KDM4B: variants seen among roughly 807,000 people sequenced by gnomAD.
KDM4B encodes lysine demethylase 4B.
A neutral mutation model predicts 125.2 loss-of-function variants in KDM4B; 32 were observed. That is an observed-to-expected ratio of 0.26 (90% CI 0.19 to 0.34). The LOEUF (loss-of-function observed/expected upper bound fraction) is 0.34, where lower values mean the gene tolerates loss of function less well. Ranked by LOEUF, KDM4B falls within the 10% of genes least tolerant of loss-of-function variation. The pLI is 1.00. For synonymous variants in KDM4B, 721 were observed against 677.9 expected (o/e 1.06, Z -0.99); for missense variants, 1,190 against 1,577.7 (o/e 0.75, Z 4.16).
intron 1 of KDM4B, among the ~76,000 whole-genome samples, chr19:4,978,973 A>C (rs1599342389): frequency 6.6e-6 from 1 of 152,120 alleles, no homozygotes; most frequent in African/African-American, 2.4e-5. Flanking sequence ...GTGGAAGGAG[A>C]TGGAGAATAA....
At chr19:5,113,961 C>T in intron 10 of KDM4B, 2 of 1,232,606 alleles carry the variant, frequency 1.6e-6, no homozygotes, top group Non-Finnish European at 2.1e-6. Context: ...TGCTCGCCAC[C>T]TTACATGGGT....
rs1329398234 is a variant in KDM4B at position 4,971,593 on chromosome 19, G to T, written c.-109+2363G>T. ...CTGGGGCTGCTAGGTTTCCAGTGCC[G>T]AGTGCCATGCCGGGACAGGTTGGGA... On this transcript the variant is annotated intron_variant, in intron 1 of 22. Transcript: ENST00000159111. The surrounding 1 kb of genome is among the most constrained non-coding windows in gnomAD (Gnocchi z 4.1). Among the ~76,000 whole-genome samples the T allele has an allele frequency of 6.6e-6, 1 of 152,152 alleles. No homozygotes were observed. Among genetic ancestry groups the T allele is most frequent in the Non-Finnish European group, 1.5e-5 (1 of 68,028 alleles).
Position 5,152,110 on chromosome 19 carries a change from G to GA in KDM4B, c.*599_*600insA, listed in dbSNP as rs1555724147. On this transcript the variant is annotated 3_prime_UTR_variant, in exon 23 of 23. Coordinates refer to ENST00000159111, the MANE Select transcript of KDM4B (RefSeq NM_015015.3). Reference sequence around the variant, plus strand: ...ACCCGGTAATTGGAGGGTGAGCCTCGGGGGGGGGGCAGGACGCCCCGGTTT... The same window carrying GA: ...ACCCGGTAATTGGAGGGTGAGCCTCGAGGGGGGGGGCAGGACGCCCCGGTTT... 1 of 119,098 alleles carries GA rather than the reference G, an allele frequency of 8.4e-6. No individual in the cohort carries two copies. Among genetic ancestry groups the GA allele is most frequent in the African/African-American group, 3.8e-5 (1 of 26,024 alleles). 7.4% of individuals were successfully genotyped at this position (119,098 alleles called of 1,614,324 possible).
intron 3 of KDM4B, among the ~76,000 whole-genome samples, chr19:5,034,769 T>C (rs1338273797): frequency 2.6e-5 from 4 of 152,204 alleles, no homozygotes; most frequent in African/African-American, 9.6e-5. Flanking sequence ...GTCTCTGAGC[T>C]GTAGAGCGAG....
intron 22 of KDM4B, among the ~76,000 whole-genome samples, chr19:5,150,981 G>T (rs1268789935): frequency 6.6e-6 from 1 of 152,220 alleles, no homozygotes; most frequent in Non-Finnish European, 1.5e-5. Context: ...TAATCGAGAG[G>T]CGAGAGGCGA....
chr19:5,151,606 G>T lies in KDM4B; in HGVS notation c.*95G>T. ...TGTGAATTCCTGTCCTCGTGTCCCC[G>T]ACCCCCGAGAGGCCACCTCCAAGCC... is the stretch of plus-strand genomic sequence containing the variant. On this transcript the variant is annotated 3_prime_UTR_variant, in exon 23 of 23. Transcript: ENST00000159111. 1 of 1,135,684 alleles carries T rather than the reference G, an allele frequency of 8.8e-7. No homozygotes were observed. Among genetic ancestry groups the T allele is most frequent in the Non-Finnish European group, 1.1e-6 (1 of 890,524 alleles). 70.4% of individuals were successfully genotyped at this position (1,135,684 alleles called of 1,614,324 possible).
At chr19:5,020,568 G>A (rs1371948256) in intron 2 of KDM4B, among the ~76,000 whole-genome samples, 1 of 152,136 alleles carries the variant, frequency 6.6e-6, no homozygotes, top group Non-Finnish European at 1.5e-5. Context: ...TCTCCATTTC[G>A]ACCCTGGAGC....
chr19:5,023,699 A>C (rs2036192742), intron 2 of KDM4B, among the ~76,000 whole-genome samples: 1 of 149,718 alleles, frequency 6.7e-6, no homozygotes, highest in Non-Finnish European at 1.5e-5. Flanking sequence ...GAGCCCCCAC[A>C]CTTCCTACCC....
intron 10 of KDM4B, chr19:5,111,643 T>C (rs953204382): frequency 1.4e-6 from 1 of 702,132 alleles, no homozygotes; most frequent in South Asian, 1.5e-5. Context: ...TCACTCCTGT[T>C]TGGTGCCCAA....
chr19:5,102,497 G>A (rs903062934), intron 9 of KDM4B, among the ~76,000 whole-genome samples: 1 of 152,154 alleles, frequency 6.6e-6, no homozygotes, highest in Non-Finnish European at 1.5e-5. Flanking sequence ...GGGGAGGGTG[G>A]AGCTGGACAC....
chr19:5,145,419 A>G lies in KDM4B; in HGVS notation c.3021+517A>G, dbSNP rs546438878. On this transcript the variant is annotated intron_variant, in intron 21 of 22. Coordinates refer to ENST00000159111, the MANE Select transcript of KDM4B (RefSeq NM_015015.3). ...AACATGGTGAAACCCTGTCTCTACT[A>G]AAAATACAAAAATTAGCTGGGCTTA... 1.4e-4 allele frequency among the ~76,000 whole-genome samples: 22 copies of G among 152,070 alleles called. 1 individual carries two copies. The highest frequency in any genetic ancestry group is 1.4e-3 in the Admixed American group (21 of 15,284).
intron 10 of KDM4B, chr19:5,112,259 AAAACAAAC>A (rs147666442): frequency 6.1e-6 from 1 of 164,848 alleles, no homozygotes; most frequent in Non-Finnish European, 1.3e-5. Flanking sequence ...TCTCTCCAGG[AAAACAAAC>A]AAACAAACAA....
At chr19:5,064,464 G>A (rs1742641581) in intron 6 of KDM4B, among the ~76,000 whole-genome samples, 1 of 152,070 alleles carries the variant, frequency 6.6e-6, no homozygotes, top group African/African-American at 2.4e-5. Flanking sequence ...CCTCGGCGGC[G>A]GGGGTGGGGG....
rs565333090 is a variant in KDM4B, at chr19:5,090,670, G to A, written c.918+8166G>A. ...CCGGCCCCCCCTTCCCCCCACCGCC[G>A]ACAGTACCACCCTCCATCAAGTGCC... On this transcript the variant is annotated intron_variant, in intron 9 of 22. Transcript: ENST00000159111. Among the ~76,000 whole-genome samples the A allele has an allele frequency of 7.8e-3, 321 of 41,170 alleles. 1 individual carries two copies. Among genetic ancestry groups the A allele is most frequent in the South Asian group, 0.012 (10 of 862 alleles). The allele number at this position is 41,170 out of a possible 152,430, so 27.0% of individuals were successfully genotyped here.
chr19:5,068,310 G>A (rs141033750), intron 6 of KDM4B, among the ~76,000 whole-genome samples: 2 of 152,140 alleles, frequency 1.3e-5, no homozygotes, highest in Non-Finnish European at 2.9e-5. Flanking sequence ...GCTTCAGTCC[G>A]CCAGTTCCAT....
At chr19:5,144,700 C>A in intron 20 of KDM4B, 83 bp from the exon 21 acceptor site, 1 of 1,559,740 alleles carries the variant, frequency 6.4e-7, no homozygotes. Context: ...CCTCACTTGC[C>A]AGCGCGGAGA....
chr19:5,096,359 A>G (rs896864679), intron 9 of KDM4B, among the ~76,000 whole-genome samples: 3 of 152,132 alleles, frequency 2.0e-5, no homozygotes, highest in Non-Finnish European at 4.4e-5. Context: ...TACTGGGATT[A>G]CAAGCGTGAG....
At chr19:5,146,172 C>T (rs2039840573) in intron 21 of KDM4B, among the ~76,000 whole-genome samples, 1 of 151,528 alleles carries the variant, frequency 6.6e-6, no homozygotes, top group Admixed American at 6.6e-5. Flanking sequence ...CATCCAGGAC[C>T]GCCTTGCCAT....
intron 2 of KDM4B, among the ~76,000 whole-genome samples, chr19:5,026,278 G>T (rs1242134058): frequency 6.7e-6 from 1 of 148,254 alleles, no homozygotes; most frequent in Non-Finnish European, 1.5e-5. Context: ...TATGTGTGCG[G>T]CCTCCCAAAG....
Sources: allele counts gnomAD v4.1 joint callset (sites outside exome capture counted in the v4.1 genomes callset), GRCh38; gene constraint gnomAD v4.1.1; non-coding constraint Gnocchi (gnomAD v3.1); transcripts MANE v1.5; gene names NCBI Gene and HGNC (gene_info 2026-07-23, HGNC 2026-07-21).